The following LIMCH1 variants were observed in gnomAD, a reference collection of about 807,000 sequenced individuals.
LIMCH1 encodes the protein LIM and calponin homology domains 1.
Under a neutral mutation model 176.5 loss-of-function variants are expected in LIMCH1, and 113 were observed. The observed-to-expected ratio is 0.64, with a 90% CI of 0.55 to 0.75. The LOEUF (loss-of-function observed/expected upper bound fraction) is 0.75, where lower values mean the gene tolerates loss of function less well. Ranked by LOEUF, LIMCH1 falls within the 30% of genes least tolerant of loss-of-function variation. The probability of loss-of-function intolerance (pLI) is 0.00; values close to 1 mark genes in which losing one functional copy is unlikely to be tolerated. For synonymous variants in LIMCH1, 619 were observed against 645.9 expected (o/e 0.96, Z 0.63); for missense variants, 1,674 against 1,814.9 (o/e 0.92, Z 1.41).
At chr4:41,650,192 C>A (rs901600401) in intron 17 of LIMCH1, among the ~76,000 whole-genome samples, 1 of 152,184 alleles carries the variant, frequency 6.6e-6, no homozygotes, top group Non-Finnish European at 1.5e-5. Flanking sequence ...AGGCCAACTA[C>A]CTTTTAAGGA....
chr4:41,486,969 C>CATAT (rs1197716484), intron 1 of LIMCH1, among the ~76,000 whole-genome samples: 182 of 112,334 alleles, frequency 1.6e-3, no homozygotes, highest in African/African-American at 5.8e-3. Flanking sequence ...TACACACACA[C>CATAT]ACATACATAC....
intron 17 of LIMCH1, among the ~76,000 whole-genome samples, chr4:41,648,658 G>GGTGTGTGTGT (rs71650941): frequency 0.02 from 2,732 of 135,340 alleles, 49 homozygotes; most frequent in Non-Finnish European, 0.024. Context: ...AAGGGGTAGG[G>GGTGTGTGTGT]GTGTGTGTGT....
rs59870371 is a variant in LIMCH1 at position 41,596,051 on chromosome 4, AAAAAAAAAAAT to A, written c.-240-2862_-240-2852del. Among the ~76,000 whole-genome samples, 1,256 of 143,502 alleles carry A rather than the reference AAAAAAAAAAAT, an allele frequency of 8.8e-3. 75 individuals are homozygous for A. Among genetic ancestry groups the A allele is most frequent in the African/African-American group, 0.034 (1,164 of 34,646 alleles). 94.1% of individuals were successfully genotyped at this position (143,502 alleles called of 152,430 possible). On this transcript the variant is annotated intron_variant, in intron 1 of 31. Coordinates refer to ENST00000503057, the MANE Select transcript of LIMCH1 (RefSeq NM_001330672.2). ...GTGACAGAGTGAGACTCCATCTCAA[AAAAAAAAAAAT>A]AAAAAAGTTCACCAGCAAGCTTTGA... is the stretch of plus-strand genomic sequence containing the variant.
At chr4:41,616,836 A>G (rs544062687) in intron 5 of LIMCH1, among the ~76,000 whole-genome samples, 11 of 152,264 alleles carry the variant, frequency 7.2e-5, no homozygotes, top group Non-Finnish European at 1.0e-4. Context: ...AGATTTAAGT[A>G]TCCCAGGGTC....
At chr4:41,490,072 TGAG>T (rs764405539) in intron 1 of LIMCH1, among the ~76,000 whole-genome samples, 1 of 151,920 alleles carries the variant, frequency 6.6e-6, no homozygotes, top group African/African-American at 2.4e-5. Flanking sequence ...TGGGGTAGAC[TGAG>T]GAGGAGGAGG....
At chr4:41,386,051 T>C (rs2056448828) in intron 1 of LIMCH1, 1 of 152,180 alleles carries the variant, frequency 6.6e-6, no homozygotes, top group South Asian at 2.1e-4. Context: ...AAAAAAGAAA[T>C]AATACATAGT....
intron 4 of LIMCH1, 92 bp from the exon 5 acceptor site, chr4:41,613,374 C>A (rs2152799700): frequency 3.8e-6 from 4 of 1,046,518 alleles, no homozygotes; most frequent in South Asian, 3.1e-5. Context: ...ATGTGATATG[C>A]AGGGGTTTTT....
intron 26 of LIMCH1, among the ~76,000 whole-genome samples, chr4:41,683,437 A>G (rs747540578): frequency 6.6e-6 from 1 of 152,188 alleles, no homozygotes; most frequent in East Asian, 1.9e-4. Context: ...AGAAAGCCCA[A>G]GAAGCTGGCA....
chr4:41,654,346 T>C (rs1312950437), intron 18 of LIMCH1, among the ~76,000 whole-genome samples: 1 of 152,198 alleles, frequency 6.6e-6, no homozygotes, highest in Non-Finnish European at 1.5e-5. Context: ...AAACAACCGA[T>C]ACTCTATAGT....
chr4:41,559,318 A>G (rs1487920709), intron 1 of LIMCH1, among the ~76,000 whole-genome samples: 1 of 151,932 alleles, frequency 6.6e-6, no homozygotes, highest in Non-Finnish European at 1.5e-5. Flanking sequence ...CTCTTTCCCA[A>G]AGTTGTAAAG....
At chr4:41,510,493 G>A (rs2074750836) in intron 2 of LIMCH1, among the ~76,000 whole-genome samples, 1 of 152,140 alleles carries the variant, frequency 6.6e-6, no homozygotes, top group Non-Finnish European at 1.5e-5. Context: ...ATGATGAAGT[G>A]TGCAAAATCT....
At chr4:41,552,600 C>G (rs1371778817) in intron 1 of LIMCH1, among the ~76,000 whole-genome samples, 2 of 152,166 alleles carry the variant, frequency 1.3e-5, no homozygotes, top group African/African-American at 4.8e-5. Flanking sequence ...AAATTATAAA[C>G]ATGGATATTT....
At chr4:41,415,536 T>G (rs1045475448) in intron 1 of LIMCH1, among the ~76,000 whole-genome samples, 1 of 151,666 alleles carries the variant, frequency 6.6e-6, no homozygotes, top group African/African-American at 2.4e-5. Flanking sequence ...GGCCCAGGAG[T>G]CTGAAACCCA....
In LIMCH1 at chr4:41,633,020, A is replaced by C. The variant is rs937780168; in HGVS notation, c.1764A>C (p.Glu588Asp). 8 of 1,535,986 alleles carry C rather than the reference A, an allele frequency of 5.2e-6. No homozygotes were observed. The highest frequency in any genetic ancestry group is 1.7e-4 in the Middle Eastern group (1 of 5,990). The change falls in exon 12 of 32, where the codon GAA (glutamate) becomes GAC (aspartate). Residue 588 changes from glutamate to aspartate, a missense_variant. Physicochemically the swap from Glu to Asp is conservative, Grantham distance 45 (BLOSUM62 2). This residue lies in a region of LIMCH1 where 1,015 missense variants were observed against 1,102.5 expected (regional missense o/e 0.92). Transcript: ENST00000503057. ...CACAGGATGGCAAAGAAGAAACAGA[A>C]AGCGCTCCAAGAGATTCTGAGAGGC... ...QLPQDGKEET[E>D]SAPRDSERLS...
chr4:41,424,619 C>T (rs1297745299), intron 1 of LIMCH1, among the ~76,000 whole-genome samples: 2 of 152,148 alleles, frequency 1.3e-5, no homozygotes, highest in Non-Finnish European at 2.9e-5. Flanking sequence ...TGAATGTTCA[C>T]ATTGAATAAA....
chr4:41,445,246 C>T (rs1159549245), intron 1 of LIMCH1, among the ~76,000 whole-genome samples: 1 of 152,112 alleles, frequency 6.6e-6, no homozygotes, highest in Non-Finnish European at 1.5e-5. Context: ...CCTCGTGATC[C>T]ACCTGCCTCA....
chr4:41,656,778 A>G (rs1009801007), intron 18 of LIMCH1, among the ~76,000 whole-genome samples: 1 of 152,144 alleles, frequency 6.6e-6, no homozygotes, highest in African/African-American at 2.4e-5. Flanking sequence ...GAGTCACAGA[A>G]CCGTTGCTCG....
intron 1 of LIMCH1, among the ~76,000 whole-genome samples, chr4:41,541,155 G>A (rs2078587747): frequency 6.6e-6 from 1 of 152,208 alleles, no homozygotes; most frequent in Admixed American, 6.5e-5. Flanking sequence ...AAGCAGTAAT[G>A]TATCATCAAC....
intron 1 of LIMCH1, among the ~76,000 whole-genome samples, chr4:41,542,145 A>C (rs1431891539): frequency 2.0e-5 from 3 of 151,888 alleles, no homozygotes; most frequent in Non-Finnish European, 4.4e-5. Flanking sequence ...CTAGCCCTCA[A>C]TCTGTTGGAG....
Sources: gnomAD v4.1 joint callset for allele counts (sites outside exome capture counted in the v4.1 genomes callset) on GRCh38, gnomAD v4.1.1 for gene constraint, gnomAD v4.1.1 regional missense constraint, MANE v1.5 for transcripts, NCBI Gene and HGNC (gene_info 2026-07-23, HGNC 2026-07-21) for gene names.